ITGB8: variants seen among roughly 807,000 people sequenced by gnomAD.
The protein encoded by ITGB8 is integrin beta-8.
In ITGB8, 30 loss-of-function variants were observed where a neutral mutation model predicts 89.5. The observed-to-expected ratio is 0.34, with a 90% CI of 0.25 to 0.45. The LOEUF is 0.45. Ranked by LOEUF, ITGB8 falls within the 20% of genes least tolerant of loss-of-function variation. The probability of loss-of-function intolerance (pLI) is 1.00; values close to 1 mark genes in which losing one functional copy is unlikely to be tolerated. For missense variants in ITGB8, 836 were observed against 933.3 expected (o/e 0.90, Z 1.36); for synonymous variants, 335 against 320.4 (o/e 1.05, Z -0.49).
At chr7:20,339,501 T>C (rs1309275108) in intron 1 of ITGB8, among the ~76,000 whole-genome samples, 1 of 152,152 alleles carries the variant, frequency 6.6e-6, no homozygotes, top group African/African-American at 2.4e-5. Flanking sequence ...GACCCACCTT[T>C]TAACAAAAGT....
chr7:20,390,660 T>G (rs1163378589), intron 6 of ITGB8, among the ~76,000 whole-genome samples: 2 of 152,082 alleles, frequency 1.3e-5, no homozygotes, highest in African/African-American at 4.8e-5. Context: ...TATAAGCAGT[T>G]GAAATAAGAA....
chr7:20,405,983 T>C (rs1166257702), intron 11 of ITGB8, 79 bp from the exon 12 acceptor site: 11 of 808,314 alleles, frequency 1.4e-5, no homozygotes, highest in African/African-American at 5.2e-5. Flanking sequence ...TTATTTTGTC[T>C]TTTTTTTTCT....
intron 9 of ITGB8, 195 bp downstream of exon 9, chr7:20,399,189 T>C: frequency 3.5e-6 from 2 of 567,408 alleles, no homozygotes; most frequent in Non-Finnish European, 6.2e-6. Context: ...TCTCTCCAAC[T>C]CTCAGGTTTT....
intron 1 of ITGB8, among the ~76,000 whole-genome samples, chr7:20,344,669 G>A (rs1324773349): frequency 1.3e-5 from 2 of 152,230 alleles, no homozygotes; most frequent in Non-Finnish European, 2.9e-5. Flanking sequence ...AGCAAGTGCA[G>A]TAGCAGGACA....
intron 1 of ITGB8, among the ~76,000 whole-genome samples, chr7:20,351,363 C>A (rs1041198933): frequency 6.6e-6 from 1 of 152,192 alleles, no homozygotes; most frequent in Non-Finnish European, 1.5e-5. Flanking sequence ...GTATTTACCA[C>A]CTCTGTGACT....
At position 20,409,984 on chromosome 7, in the gene ITGB8, G is replaced by C. The variant is rs372099167; in HGVS notation, c.2297G>C (p.Arg766Thr). Residue 766 changes from arginine to threonine, a missense_variant, in exon 14 of 14, where the codon AGG (arginine) becomes ACG (threonine). Around this residue, in one of 5 missense-constraint regions of ITGB8, gnomAD observed 422 missense variants for 416.9 expected, o/e 1.01. Coordinates refer to ENST00000222573, the MANE Select transcript of ITGB8 (RefSeq NM_002214.3). ...ISKLNAHETF[R>T]CNF ...AAATTAAATGCTCATGAAACTTTCA[G>C]GTGCAACTTCTAAAAAAAGATTTTT... 11 of 1,607,952 alleles carry C rather than the reference G, an allele frequency of 6.8e-6. No homozygotes were observed. The highest frequency in any genetic ancestry group is 8.5e-6 in the Non-Finnish European group (10 of 1,178,400).
chr7:20,367,154 C>T lies in ITGB8; in HGVS notation c.356C>T (p.Thr119Ile), dbSNP rs762734819. 1 of 1,612,424 alleles carries T rather than the reference C, an allele frequency of 6.2e-7. No homozygotes were observed. The highest frequency in any genetic ancestry group is 8.5e-7 in the Non-Finnish European group (1 of 1,178,724). Residue 119 changes from threonine (T) to isoleucine (I), a missense_variant, in exon 3 of 14, where the codon ACA (threonine) becomes ATA (isoleucine). Around this residue, in one of 5 missense-constraint regions of ITGB8, gnomAD observed 182 missense variants for 177.0 expected, o/e 1.03. Transcript: ENST00000222573. ...PTENEINTQV[T>I]PGEVSIQLRP... Reference sequence around the variant, plus strand: ...GAAAATGAAATTAATACCCAGGTGACACCAGGAGAAGTGTCTATCCAGCTG... The same window carrying T: ...GAAAATGAAATTAATACCCAGGTGATACCAGGAGAAGTGTCTATCCAGCTG...
rs558955590 is a variant in ITGB8 at position 20,379,545 on chromosome 7, A to G, written c.635+248A>G. On this transcript the variant is annotated intron_variant, in intron 4 of 13. Coordinates refer to ENST00000222573, the MANE Select transcript of ITGB8 (RefSeq NM_002214.3). Reference sequence around the variant, plus strand: ...TATCACCAAAAAAAACAAAAAAACAAACAAAAAACCCTACCTAATGTTAGT... The same window carrying G: ...TATCACCAAAAAAAACAAAAAAACAGACAAAAAACCCTACCTAATGTTAGT... The G allele has an allele frequency of 1.3e-4, 22 of 175,944 alleles. No homozygotes were observed. The East Asian group carries it at 2.0e-3, about 16-fold the overall frequency. 10.9% of individuals were successfully genotyped at this position (175,944 alleles called of 1,614,324 possible).
Position 20,331,372 on chromosome 7 carries a change from T to G in ITGB8, c.-435T>G. ...CCCAGTGAATGTACATTAGGGTGGT[T>G]TCCCCCCCAGCTTCGGGCTTTGTTT... On this transcript the variant is annotated 5_prime_UTR_variant, in exon 1 of 14. Coordinates refer to ENST00000222573, the MANE Select transcript of ITGB8 (RefSeq NM_002214.3). 2.5e-6 allele frequency: 1 copy of G among 397,734 alleles called. No homozygotes were observed. The highest frequency in any genetic ancestry group is 4.4e-6 in the Non-Finnish European group (1 of 226,394). The allele number at this position is 397,734 out of a possible 1,614,324, so 24.6% of individuals were successfully genotyped here.
At chr7:20,399,670 G>C (rs1168540191) in intron 9 of ITGB8, among the ~76,000 whole-genome samples, 2 of 152,108 alleles carry the variant, frequency 1.3e-5, no homozygotes, top group East Asian at 3.8e-4. Flanking sequence ...GCACAACGGA[G>C]AGAGTAACAC....
intron 3 of ITGB8, among the ~76,000 whole-genome samples, chr7:20,374,105 T>C (rs1220111106): frequency 2.6e-5 from 4 of 152,136 alleles, no homozygotes; most frequent in Admixed American, 2.6e-4. Context: ...GGATAAAGCT[T>C]TCCTGGAGAT....
At chr7:20,374,967 T>C (rs572802749) in intron 3 of ITGB8, among the ~76,000 whole-genome samples, 1 of 152,180 alleles carries the variant, frequency 6.6e-6, no homozygotes, top group African/African-American at 2.4e-5. Flanking sequence ...ATGGAAATAA[T>C]CCAGGCAAAA....
intron 6 of ITGB8, among the ~76,000 whole-genome samples, chr7:20,386,277 C>T (rs1393062918): frequency 1.4e-5 from 2 of 146,886 alleles, no homozygotes; most frequent in African/African-American, 2.5e-5. Flanking sequence ...CTCACTGTGT[C>T]GCCCAGGCTG....
intron 6 of ITGB8, among the ~76,000 whole-genome samples, chr7:20,386,410 T>TC (rs1786624912): frequency 6.9e-6 from 1 of 144,146 alleles, no homozygotes. Flanking sequence ...GGCTAATTTT[T>TC]TTTTTTTTTT....
chr7:20,331,599 G>C lies in ITGB8; in HGVS notation c.-208G>C, dbSNP rs1164131132. 6 of 499,000 alleles carry C rather than the reference G, an allele frequency of 1.2e-5. No homozygotes were observed. Among genetic ancestry groups the C allele is most frequent in the East Asian group, 3.5e-5 (1 of 28,536 alleles). The allele number at this position is 499,000 out of a possible 1,614,324, so 30.9% of individuals were successfully genotyped here. A position where few individuals can be genotyped will look rare whatever the true frequency, so the allele number is the denominator to read the frequency against. ...ACCGCGGGACCCGCCGTGCCGAGCCGGGAGGGCCGCAGGGGCCCTGAGATG... is the reference window on the plus strand; with the variant it reads ...ACCGCGGGACCCGCCGTGCCGAGCCCGGAGGGCCGCAGGGGCCCTGAGATG... On this transcript the variant is annotated 5_prime_UTR_variant, in exon 1 of 14. Transcript: ENST00000222573.
chr7:20,368,053 A>T (rs1785776277), intron 3 of ITGB8, among the ~76,000 whole-genome samples: 1 of 152,162 alleles, frequency 6.6e-6, no homozygotes, highest in Non-Finnish European at 1.5e-5. Flanking sequence ...ACCATTCTTG[A>T]CACACTCCCT....
intron 10 of ITGB8, among the ~76,000 whole-genome samples, chr7:20,403,552 T>C (rs1336368751): frequency 6.6e-6 from 1 of 152,226 alleles, no homozygotes; most frequent in Non-Finnish European, 1.5e-5. Context: ...TTCACAGGCC[T>C]GCTGGCGGGG....
At chr7:20,394,326 C>A (rs148970512) in intron 7 of ITGB8, among the ~76,000 whole-genome samples, 2,370 of 152,192 alleles carry the variant, frequency 0.016, 74 homozygotes, top group Non-Finnish European at 0.015. Context: ...CCTAAAAATA[C>A]CTACGGTCTT....
At chr7:20,375,360 A>C (rs926361356) in intron 3 of ITGB8, among the ~76,000 whole-genome samples, 1 of 88,618 alleles carries the variant, frequency 1.1e-5, no homozygotes, top group African/African-American at 3.1e-5. Context: ...TTCAAATTCC[A>C]AAAAAAAAAG....
Sources: gnomAD v4.1 joint callset for allele counts (sites outside exome capture counted in the v4.1 genomes callset) on GRCh38, gnomAD v4.1.1 for gene constraint, gnomAD v4.1.1 regional missense constraint, MANE v1.5 for transcripts, NCBI Gene and HGNC (gene_info 2026-07-23, HGNC 2026-07-21) for gene names.